EPC1: variants seen among roughly 807,000 people sequenced by gnomAD.
The protein encoded by EPC1 is enhancer of polycomb homolog 1.
EPC1 carries 12 observed loss-of-function variants against 98.4 expected under a neutral mutation model. That is an observed-to-expected ratio of 0.12 (90% CI 0.08 to 0.20). The LOEUF is 0.20. Among genes scored for constraint, EPC1 ranks in the 10% least tolerant of loss-of-function variants. EPC1 has a pLI of 1.00. For synonymous variants in EPC1, 357 were observed against 363.9 expected (o/e 0.98, Z 0.21); for missense variants, 729 against 990.5 (o/e 0.74, Z 3.54).
At chr10:32,364,906 GA>G (rs1839554158) in intron 1 of EPC1, among the ~76,000 whole-genome samples, 1 of 74,832 alleles carries the variant, frequency 1.3e-5, no homozygotes, top group African/African-American at 4.5e-5. Context: ...ATTTTTTCAT[GA>G]TTTTTTTTTT....
In EPC1 at chr10:32,273,199, C is replaced by T. The variant is rs1356537709; in HGVS notation, c.1827G>A (p.Gln609=). 4.3e-6 allele frequency: 7 copies of T among 1,614,150 alleles called. 1 individual carries two copies. In the South Asian group the frequency reaches 7.7e-5, roughly 18 times the overall value. Residue 609 remains glutamine, a synonymous_variant, in exon 11 of 14, where the codon CAG becomes CAA. Coordinates refer to ENST00000319778, the MANE Select transcript of EPC1 (RefSeq NM_001272004.3). ...QKQQLAQIQQ[Q]QANSNSSTNT... is the part of the protein sequence containing the mutation. ...TGGTGGAGGAATTACTATTTGCTTG[C>T]TGTTGCTGAATTTGTGCAAGCTGCT...
At chr10:32,320,063 A>G (rs2132898991) in intron 1 of EPC1, among the ~76,000 whole-genome samples, 1 of 152,324 alleles carries the variant, frequency 6.6e-6, no homozygotes, top group South Asian at 2.1e-4. Flanking sequence ...TGTACATATG[A>G]GAAAGAGAAT....
At chr10:32,353,460 CAA>C (rs753252278) in intron 1 of EPC1, among the ~76,000 whole-genome samples, 3 of 152,144 alleles carry the variant, frequency 2.0e-5, no homozygotes, top group Non-Finnish European at 4.4e-5. Flanking sequence ...GACAGTGATG[CAA>C]AGAGTTAAAC....
intron 10 of EPC1, chr10:32,282,200 G>A (rs927323005): frequency 6.6e-6 from 1 of 151,976 alleles, no homozygotes; most frequent in Non-Finnish European, 1.5e-5. Flanking sequence ...AAATAATTAA[G>A]ACAACAGGAA....
chr10:32,359,765 C>T (rs2505350), intron 1 of EPC1, among the ~76,000 whole-genome samples: 150,700 of 152,346 alleles, frequency 0.99, 74,554 homozygotes, highest in Middle Eastern at 1. Flanking sequence ...AATTCTCACA[C>T]GAAGCCAAAT....
chr10:32,299,466 G>GT (rs1237325053), intron 2 of EPC1, among the ~76,000 whole-genome samples: 2 of 152,094 alleles, frequency 1.3e-5, no homozygotes, highest in African/African-American at 2.4e-5. Flanking sequence ...GATTACAGGC[G>GT]TGAGTCCCCG....
At position 32,278,371 on chromosome 10, in the gene EPC1, G is replaced by GTT. The variant is rs58729377; in HGVS notation, c.1745-5092_1745-5091dup. Reference sequence around the variant, plus strand: ...AAAATGTATACTTTGGTTTTTTTTTGTTTTTTTTTTTTTGTTTTTTTTTTT... The same window carrying GTT: ...AAAATGTATACTTTGGTTTTTTTTTGTTTTTTTTTTTTTTTGTTTTTTTTTTT... On this transcript the variant is annotated intron_variant, in intron 10 of 13. Transcript: ENST00000319778. Among the ~76,000 whole-genome samples the GTT allele has an allele frequency of 3.6e-4, 37 of 102,574 alleles. 1 individual carries two copies. Among genetic ancestry groups the GTT allele is most frequent in the East Asian group, 8.6e-4 (3 of 3,482 alleles). 67.3% of individuals were successfully genotyped at this position (102,574 alleles called of 152,430 possible).
At chr10:32,300,558 C>T (rs1162700658) in intron 2 of EPC1, among the ~76,000 whole-genome samples, 1 of 151,548 alleles carries the variant, frequency 6.6e-6, no homozygotes, top group Non-Finnish European at 1.5e-5. Context: ...CTCAGCCTCC[C>T]GAGTAGCTGG....
chr10:32,274,216 T>C (rs1019534517), intron 10 of EPC1, among the ~76,000 whole-genome samples: 7 of 151,986 alleles, frequency 4.6e-5, no homozygotes, highest in Non-Finnish European at 1.0e-4. Context: ...TGAGTAAGAA[T>C]TATTTTAAAA....
intron 13 of EPC1, among the ~76,000 whole-genome samples, chr10:32,271,172 G>A (rs1051429253): frequency 2.2e-4 from 33 of 152,172 alleles, no homozygotes; most frequent in African/African-American, 7.9e-4. Context: ...TGTATTTTTA[G>A]TAGAGGTGGC....
intron 2 of EPC1, among the ~76,000 whole-genome samples, chr10:32,299,871 T>C (rs933046651): frequency 6.6e-6 from 1 of 152,186 alleles, no homozygotes; most frequent in East Asian, 1.9e-4. Flanking sequence ...ACACTGATGA[T>C]TCTAGTATGA....
intron 13 of EPC1, 98 bp downstream of exon 13, chr10:32,271,456 A>G (rs1835839569): frequency 6.7e-6 from 9 of 1,347,928 alleles, no homozygotes; most frequent in Non-Finnish European, 3.0e-6. Context: ...TATAAAAGGA[A>G]AAGAACAAGA....
intron 10 of EPC1, among the ~76,000 whole-genome samples, chr10:32,281,106 C>T (rs781594347): frequency 6.6e-6 from 1 of 152,172 alleles, no homozygotes; most frequent in Non-Finnish European, 1.5e-5. Context: ...GTGATGTTGG[C>T]TCACTGCAAC....
chr10:32,283,755 G>A (rs1836524752), intron 10 of EPC1: 1 of 152,148 alleles, frequency 6.6e-6, no homozygotes, highest in Admixed American at 6.5e-5. Flanking sequence ...TTCTGGTCAG[G>A]AGCAGACTAT....
rs958530955 is a variant in EPC1 at position 32,330,950 on chromosome 10, TCA to T, written c.153+15811_153+15812del. ...CTGATCTCGTGTGTATTGTACAAAATCACAGTGTAAAAGTTCGAACGTAAGAT... is the reference window on the plus strand; with the variant it reads ...CTGATCTCGTGTGTATTGTACAAAATCAGTGTAAAAGTTCGAACGTAAGAT... On this transcript the variant is annotated intron_variant, in intron 1 of 13. Transcript: ENST00000319778. Among the ~76,000 whole-genome samples, 8 of 152,018 alleles carry T rather than the reference TCA, an allele frequency of 5.3e-5. No individual in the cohort carries two copies. The East Asian group carries it at 7.7e-4, about 15-fold the overall frequency.
chr10:32,366,448 T>A (rs1234810982), intron 1 of EPC1, among the ~76,000 whole-genome samples: 1 of 152,182 alleles, frequency 6.6e-6, no homozygotes, highest in Admixed American at 6.5e-5. Context: ...AAATAGGTAA[T>A]TTTTCATGAA....
At chr10:32,294,698 A>T (rs1230417375) in intron 2 of EPC1, among the ~76,000 whole-genome samples, 1 of 152,244 alleles carries the variant, frequency 6.6e-6, no homozygotes, top group Non-Finnish European at 1.5e-5. Context: ...ACTTACCAAA[A>T]TTAAGCTAGG....
intron 1 of EPC1, among the ~76,000 whole-genome samples, chr10:32,372,868 A>G (rs1839789945): frequency 6.6e-6 from 1 of 151,986 alleles, no homozygotes; most frequent in African/African-American, 2.4e-5. Context: ...TAAAAATACA[A>G]AAAAAATTAG....
chr10:32,313,672 C>G (rs1445038302), intron 1 of EPC1, among the ~76,000 whole-genome samples: 1 of 152,040 alleles, frequency 6.6e-6, no homozygotes, highest in Non-Finnish European at 1.5e-5. Context: ...AAGAGAGTCA[C>G]CTGAGGAGTT....
Sources: gnomAD v4.1 joint callset for allele counts (sites outside exome capture counted in the v4.1 genomes callset) on GRCh38, gnomAD v4.1.1 for gene constraint, MANE v1.5 for transcripts, NCBI Gene and HGNC (gene_info 2026-07-23, HGNC 2026-07-21) for gene names.